The following DYNC2I2 variants were observed in gnomAD, a reference collection of about 807,000 sequenced individuals.
DYNC2I2 encodes dynein 2 intermediate chain 2, also known as cytoplasmic dynein 2 intermediate chain 2.
A neutral mutation model predicts 52.0 loss-of-function variants in DYNC2I2; 39 were observed. The ratio of observed to expected loss-of-function variants is 0.75; its 90% CI spans 0.58 to 0.98. DYNC2I2 has a LOEUF of 0.98. Among genes scored for constraint, DYNC2I2 ranks in the 50% least tolerant of loss-of-function variants. DYNC2I2 has a pLI of 0.00. For missense variants in DYNC2I2, 743 were observed against 728.4 expected (o/e 1.02, Z -0.23); for synonymous variants, 359 against 321.1 (o/e 1.12, Z -1.26).
chr9:128,638,176 G>GCAC (rs1315865935), intron 2 of DYNC2I2, among the ~76,000 whole-genome samples: 1 of 148,696 alleles, frequency 6.7e-6, no homozygotes, highest in Non-Finnish European at 1.5e-5. Context: ...CACAGAGGTT[G>GCAC]CACTGCTGCT....
At chr9:128,677,138 A>G in the DYNC2I2 span, among the ~76,000 whole-genome samples, 4 of 151,598 alleles carry the variant, frequency 2.6e-5, no homozygotes, top group Admixed American at 6.6e-5. Context: ...GTGAGCCACC[A>G]TGCCCAGCCA....
the DYNC2I2 span, among the ~76,000 whole-genome samples, chr9:128,681,663 G>A: frequency 6.6e-6 from 1 of 152,158 alleles, no homozygotes; most frequent in African/African-American, 2.4e-5. Context: ...CACCTTAGTT[G>A]TACCAATCTA....
chr9:128,656,393 CGG>C, intron 1 of DYNC2I2, 146 bp downstream of exon 1: 1 of 483,336 alleles, frequency 2.1e-6, no homozygotes, highest in African/African-American at 3.3e-5. Flanking sequence ...TAAAGGCAAA[CGG>C]TGGGACGCCC....
At chr9:128,657,678 C>T (rs1449667801), upstream of DYNC2I2, among the ~76,000 whole-genome samples, 9 of 152,034 alleles carry the variant, frequency 5.9e-5, no homozygotes, top group Non-Finnish European at 1.3e-4. Flanking sequence ...CATGGTGGCA[C>T]GTGCCTGTAG....
upstream of DYNC2I2, among the ~76,000 whole-genome samples, chr9:128,661,650 G>A (rs1407502196): frequency 4.6e-5 from 7 of 152,012 alleles, no homozygotes; most frequent in African/African-American, 1.2e-4. Context: ...TTAGCCGGGC[G>A]TGGTGTCAGG....
intron 1 of DYNC2I2, 31 bp from the exon 2 acceptor site, chr9:128,640,970 C>T: frequency 2.6e-6 from 4 of 1,555,332 alleles, no homozygotes; most frequent in Non-Finnish European, 3.5e-6. Flanking sequence ...AGTGTCACCA[C>T]CCAGCTGTCC....
chr9:128,649,337 G>A (rs147524400), intron 1 of DYNC2I2, among the ~76,000 whole-genome samples: 22 of 152,106 alleles, frequency 1.4e-4, no homozygotes, highest in East Asian at 5.8e-4. Flanking sequence ...CTTTCTACTC[G>A]GGAGACTGAA....
intron 2 of DYNC2I2, 30 bp downstream of exon 2, chr9:128,640,661 G>A (rs557211544): frequency 8.1e-6 from 13 of 1,598,758 alleles, no homozygotes; most frequent in Middle Eastern, 1.7e-4. Context: ...GCAGGGGCTC[G>A]ACCCGAGGCT....
chr9:128,636,187 G>A (rs1434308094), intron 4 of DYNC2I2, 94 bp downstream of exon 4: 2 of 1,532,884 alleles, frequency 1.3e-6, no homozygotes, highest in South Asian at 1.2e-5. Context: ...CCTGTCTCCG[G>A]GCCAAAGGGC....
the DYNC2I2 span, among the ~76,000 whole-genome samples, chr9:128,668,163 G>T: frequency 1.3e-5 from 2 of 151,726 alleles, no homozygotes; most frequent in African/African-American, 2.4e-5. Context: ...GTTTCATCAT[G>T]TTGGCCAGGA....
At chr9:128,649,705 A>AAAAAAAAAAAAAAAAAAAAAAC (rs1564344280) in intron 1 of DYNC2I2, among the ~76,000 whole-genome samples, 1 of 143,424 alleles carries the variant, frequency 7.0e-6, no homozygotes, top group African/African-American at 2.7e-5. Flanking sequence ...AAAAAAAAAA[A>AAAAAAAAAAAAAAAAAAAAAAC]AAAACTGGGC....
the DYNC2I2 span, among the ~76,000 whole-genome samples, chr9:128,681,749 C>A: frequency 2.0e-5 from 3 of 152,082 alleles, no homozygotes; most frequent in Non-Finnish European, 2.9e-5. Context: ...ATAACAGTGG[C>A]CTTTGTGACC....
chr9:128,639,255 G>A (rs527987391), intron 2 of DYNC2I2, among the ~76,000 whole-genome samples: 14 of 151,788 alleles, frequency 9.2e-5, no homozygotes, highest in Non-Finnish European at 1.3e-4. Flanking sequence ...AAAATTAGCC[G>A]GGCGTGGTGG....
upstream of DYNC2I2, among the ~76,000 whole-genome samples, chr9:128,657,561 G>A (rs1368401786): frequency 1.3e-5 from 2 of 152,102 alleles, no homozygotes; most frequent in Admixed American, 6.6e-5. Context: ...CCGGTACTTT[G>A]AGAGGCCAAG....
chr9:128,667,857 C>T, the DYNC2I2 span, among the ~76,000 whole-genome samples: 269 of 143,444 alleles, frequency 1.9e-3, 6 homozygotes, highest in African/African-American at 7.0e-3. Flanking sequence ...CTCAGCCTCC[C>T]GAGTAGCTGG....
intron 4 of DYNC2I2, 22 bp from the exon 5 acceptor site, chr9:128,635,789 G>A (rs1206424424): frequency 1.3e-6 from 2 of 1,594,844 alleles, no homozygotes; most frequent in Admixed American, 1.7e-5. Flanking sequence ...GTGGACCTGG[G>A]CAGAGGCTCA....
chr9:128,639,432 C>T (rs1564340713), intron 2 of DYNC2I2, among the ~76,000 whole-genome samples: 1 of 151,794 alleles, frequency 6.6e-6, no homozygotes, highest in Admixed American at 6.6e-5. Flanking sequence ...GACAAAAGCT[C>T]CCTCATCTCA....
At chr9:128,647,189 A>G (rs1860631189) in intron 1 of DYNC2I2, among the ~76,000 whole-genome samples, 1 of 152,236 alleles carries the variant, frequency 6.6e-6, no homozygotes, top group Non-Finnish European at 1.5e-5. Flanking sequence ...TGAATTGGTA[A>G]GAAGCCACCA....
At chr9:128,658,912 TG>T (rs2132195300), upstream of DYNC2I2, among the ~76,000 whole-genome samples, 1 of 151,522 alleles carries the variant, frequency 6.6e-6, no homozygotes, top group African/African-American at 2.4e-5. Context: ...TTTGTAGAGA[TG>T]GGGGCAGGGG....
Sources: gnomAD v4.1 joint callset for allele counts (sites outside exome capture counted in the v4.1 genomes callset) on GRCh38, gnomAD v4.1.1 for gene constraint, MANE v1.5 for transcripts, NCBI Gene and HGNC (gene_info 2026-07-23, HGNC 2026-07-21) for gene names.